ZNF354B: variants seen among roughly 807,000 people sequenced by gnomAD.
ZNF354B encodes the protein zinc finger protein 354B.
Under a neutral mutation model 12.9 loss-of-function variants are expected in ZNF354B, and 10 were observed. That is an observed-to-expected ratio of 0.77 (90% CI 0.48 to 1.31). ZNF354B has a LOEUF of 1.31. Among genes scored for constraint, ZNF354B ranks in the 40% most tolerant of loss-of-function variants. The pLI, the probability that ZNF354B is intolerant of heterozygous loss-of-function variation, is 0.00. For missense variants in ZNF354B, 614 were observed against 711.7 expected (o/e 0.86, Z 1.56); for synonymous variants, 260 against 243.7 (o/e 1.07, Z -0.62).
At chr5:178,876,927 C>CTTTTTTTTTTTTTT (rs71589405) in intron 4 of ZNF354B, among the ~76,000 whole-genome samples, 5 of 141,416 alleles carry the variant, frequency 3.5e-5, no homozygotes, top group Non-Finnish European at 6.1e-5. Flanking sequence ...TTTTTTATGC[C>CTTTTTTTTTTTTTT]TTTTTTTTTT....
At chr5:178,881,769 G>A (rs1272352487) in intron 4 of ZNF354B, among the ~76,000 whole-genome samples, 2 of 152,016 alleles carry the variant, frequency 1.3e-5, no homozygotes, top group Non-Finnish European at 2.9e-5. Flanking sequence ...TCTGCCTCCC[G>A]AGTAGCTAGG....
rs1486558793 is a variant in ZNF354B at position 178,883,101 on chromosome 5, A to C, written c.649A>C (p.Ser217Arg). The C allele has an allele frequency of 6.2e-7, 1 of 1,610,178 alleles. No homozygotes were observed. Among genetic ancestry groups the C allele is most frequent in the Non-Finnish European group, 8.5e-7 (1 of 1,179,184 alleles). The part of the protein sequence containing the change: ...IKTAEKRYKC[S>R]TCEKAFIHNS... ...AACAGCAGAGAAACGCTATAAATGC[A>C]GTACATGTGAAAAAGCCTTCATTCA... Residue 217 changes from serine to arginine, a missense_variant, in exon 5 of 5, where the codon AGT becomes CGT. By Grantham distance (110) the Ser-to-Arg change is moderately radical. Transcript: ENST00000322434.
intron 4 of ZNF354B, among the ~76,000 whole-genome samples, chr5:178,867,746 A>G (rs1007709191): frequency 6.6e-6 from 1 of 152,212 alleles, no homozygotes; most frequent in Non-Finnish European, 1.5e-5. Context: ...TGTAATGTGC[A>G]CATAAGCAGA....
intron 4 of ZNF354B, among the ~76,000 whole-genome samples, chr5:178,872,212 A>G (rs780823359): frequency 3.3e-5 from 5 of 152,022 alleles, no homozygotes; most frequent in Non-Finnish European, 5.9e-5. Flanking sequence ...CATTTCAAGA[A>G]TGTCATATAC....
In ZNF354B at chr5:178,884,207, ACT is replaced by A. The variant is rs1455609843; in HGVS notation, c.1758_1759del (p.Phe587Ter). The A allele has an allele frequency of 1.2e-6, 2 of 1,613,810 alleles. No homozygotes were observed. Among genetic ancestry groups the A allele is most frequent in the South Asian group, 2.2e-5 (2 of 91,078 alleles). On this transcript the variant is annotated frameshift_variant, in exon 5 of 5. Coordinates refer to ENST00000322434, the MANE Select transcript of ZNF354B (RefSeq NM_058230.3). LOFTEE classifies it low-confidence loss of function (END_TRUNC). Reference sequence around the variant, plus strand: ...CCTATGAATGTAATGCATGTGGGAAACTCTTTAGCCAGAGGTCATCCCTTACT... The same window carrying A: ...CCTATGAATGTAATGCATGTGGGAAACTTTAGCCAGAGGTCATCCCTTACT... ...KPYECNACGK[L>X]FSQRSSLTNH...
chr5:178,878,449 G>C (rs2114024226), intron 4 of ZNF354B, among the ~76,000 whole-genome samples: 1 of 151,984 alleles, frequency 6.6e-6, no homozygotes, highest in Non-Finnish European at 1.5e-5. Context: ...ATTTTGATAG[G>C]TTGCTTGTCA....
chr5:178,876,945 T>TAA (rs1017072092), intron 4 of ZNF354B, among the ~76,000 whole-genome samples: 3 of 150,792 alleles, frequency 2.0e-5, no homozygotes, highest in Non-Finnish European at 4.4e-5. Flanking sequence ...TTTTTTGTCT[T>TAA]ACAGTGTTGC....
At chr5:178,881,966 A>G (rs774504512) in intron 4 of ZNF354B, among the ~76,000 whole-genome samples, 1 of 152,236 alleles carries the variant, frequency 6.6e-6, no homozygotes, top group Non-Finnish European at 1.5e-5. Flanking sequence ...GCATTGGTTA[A>G]TATGTCTAGT....
chr5:178,882,483 T>C (rs1211964939), intron 4 of ZNF354B, among the ~76,000 whole-genome samples: 1 of 152,226 alleles, frequency 6.6e-6, no homozygotes, highest in African/African-American at 2.4e-5. Context: ...CTCCATTCTC[T>C]TGGTCACTCT....
At chr5:178,865,563 A>G (rs1482742700) in intron 2 of ZNF354B, among the ~76,000 whole-genome samples, 2 of 152,106 alleles carry the variant, frequency 1.3e-5, no homozygotes, top group Admixed American at 1.3e-4. Context: ...CACTGCACCC[A>G]GCCAACTTTA....
intron 4 of ZNF354B, among the ~76,000 whole-genome samples, chr5:178,874,541 A>C (rs1018438678): frequency 6.6e-6 from 1 of 152,144 alleles, no homozygotes; most frequent in African/African-American, 2.4e-5. Context: ...TCTGCATTTC[A>C]GTTGCATTAT....
chr5:178,883,473 C>G lies in ZNF354B; in HGVS notation c.1021C>G (p.Leu341Val), dbSNP rs776789277. Residue 341 changes from leucine to valine, a missense_variant, in exon 5 of 5, where the codon CTT (leucine) becomes GTT (valine). Physicochemically the swap from Leu to Val is conservative, Grantham distance 32. Transcript: ENST00000322434. The part of the protein sequence containing the change: ...GRKASSYSTS[L>V]SGSQKIHLRK... ...GAAGGCATCCAGTTACAGCACTTCC[C>G]TTTCTGGAAGTCAGAAAATTCATCT... 4 of 1,613,980 alleles carry G rather than the reference C, an allele frequency of 2.5e-6. No homozygotes were observed. Among genetic ancestry groups the G allele is most frequent in the African/African-American group, 2.7e-5 (2 of 74,936 alleles).
chr5:178,861,399 A>G (rs1393352331), intron 2 of ZNF354B, among the ~76,000 whole-genome samples: 6 of 152,068 alleles, frequency 3.9e-5, no homozygotes, highest in African/African-American at 1.4e-4. Context: ...CCACTCACCC[A>G]TGTCTCCGTT....
At chr5:178,864,499 G>A (rs78755923) in intron 2 of ZNF354B, among the ~76,000 whole-genome samples, 3,007 of 152,104 alleles carry the variant, frequency 0.02, 51 homozygotes, top group Middle Eastern at 0.086. Flanking sequence ...TGCGACACAC[G>A]ACTGTGTACT....
chr5:178,882,618 C>G (rs1415922212), intron 4 of ZNF354B, 91 bp from the exon 5 acceptor site: 2 of 1,341,840 alleles, frequency 1.5e-6, no homozygotes, highest in Non-Finnish European at 2.0e-6. Context: ...ATAGCAAACC[C>G]TTACTGAGAT....
intron 2 of ZNF354B, among the ~76,000 whole-genome samples, chr5:178,862,154 T>C (rs1211946889): frequency 6.6e-6 from 1 of 152,134 alleles, no homozygotes; most frequent in Non-Finnish European, 1.5e-5. Context: ...ACATTTGTTC[T>C]CTCACTCGCA....
chr5:178,882,985 G>GATTT lies in ZNF354B; in HGVS notation c.534_537dup (p.Ala180IlefsTer3). The GATTT allele has an allele frequency of 1.2e-6, 2 of 1,607,904 alleles. No homozygotes were observed. On this transcript the variant is annotated frameshift_variant, in exon 5 of 5. Transcript: ENST00000322434. LOFTEE classifies it low-confidence loss of function (END_TRUNC). Reference sequence around the variant, plus strand: ...AAATCAGTCTTCATTAAGCAACAGAGATTTGCTAAAGAAAAAACTCCATCA... The same window carrying GATTT: ...AAATCAGTCTTCATTAAGCAACAGAGATTTATTTGCTAAAGAAAAAACTCCATCA...
intron 4 of ZNF354B, among the ~76,000 whole-genome samples, chr5:178,874,482 C>T (rs542093186): frequency 1.1e-4 from 16 of 152,172 alleles, no homozygotes; most frequent in Non-Finnish European, 1.6e-4. Flanking sequence ...TGGCTGAGTT[C>T]AGAGAGCCAG....
chr5:178,875,630 A>G (rs1405016295), intron 4 of ZNF354B, among the ~76,000 whole-genome samples: 1 of 152,186 alleles, frequency 6.6e-6, no homozygotes, highest in Non-Finnish European at 1.5e-5. Context: ...ACATGGAGCC[A>G]CTGCTACTGG....
Sources: gnomAD v4.1 joint callset for allele counts (sites outside exome capture counted in the v4.1 genomes callset) on GRCh38, gnomAD v4.1.1 for gene constraint, MANE v1.5 for transcripts, NCBI Gene and HGNC (gene_info 2026-07-23, HGNC 2026-07-21) for gene names.